Variants in NFIB observed in about 807,000 individuals in gnomAD.
The protein encoded by NFIB is nuclear factor I B.
In NFIB, 11 loss-of-function variants were observed where a neutral mutation model predicts 61.5. The ratio of observed to expected loss-of-function variants is 0.18; its 90% CI spans 0.11 to 0.30. NFIB has a LOEUF of 0.30. Ranked by LOEUF, NFIB falls within the 10% of genes least tolerant of loss-of-function variation. The pLI, the probability that NFIB is intolerant of heterozygous loss-of-function variation, is 1.00. For synonymous variants in NFIB, 260 were observed against 216.5 expected (o/e 1.20, Z -1.76); for missense variants, 471 against 608.9 (o/e 0.77, Z 2.38).
At chr9:14,344,899 G>C (rs530357111) in intron 1 of NFIB, among the ~76,000 whole-genome samples, 1 of 152,286 alleles carries the variant, frequency 6.6e-6, no homozygotes, top group Non-Finnish European at 1.5e-5. Context: ...AATCTTGAGG[G>C]TTTAAATAAC....
chr9:14,365,135 G>A (rs2061285191), intron 1 of NFIB, among the ~76,000 whole-genome samples: 1 of 152,170 alleles, frequency 6.6e-6, no homozygotes, highest in Non-Finnish European at 1.5e-5. Context: ...ACATGCCAAG[G>A]ACTTAGTAAA....
intron 2 of NFIB, among the ~76,000 whole-genome samples, chr9:14,274,442 G>A (rs985704798): frequency 6.6e-6 from 1 of 152,116 alleles, no homozygotes; most frequent in South Asian, 2.1e-4. Flanking sequence ...TTTTCAGTCT[G>A]ATGTAAGTAA....
intron 6 of NFIB, among the ~76,000 whole-genome samples, chr9:14,132,906 T>C (rs1264912443): frequency 6.6e-6 from 1 of 152,158 alleles, no homozygotes; most frequent in Non-Finnish European, 1.5e-5. Flanking sequence ...TCTTCTTTTT[T>C]TGTTATTTTT....
intron 2 of NFIB, among the ~76,000 whole-genome samples, chr9:14,208,437 C>T (rs1278429830): frequency 6.6e-6 from 1 of 152,058 alleles, no homozygotes; most frequent in Non-Finnish European, 1.5e-5. Context: ...CAAGAAATTA[C>T]TTTATGTCTC....
At chr9:14,129,890 A>G (rs2040195993) in intron 6 of NFIB, among the ~76,000 whole-genome samples, 2 of 152,226 alleles carry the variant, frequency 1.3e-5, no homozygotes, top group South Asian at 2.1e-4. Flanking sequence ...GCAAAATGAT[A>G]GGCAAAGGAT....
chr9:14,454,292 C>G, the NFIB span, among the ~76,000 whole-genome samples: 1 of 152,194 alleles, frequency 6.6e-6, no homozygotes, highest in Non-Finnish European at 1.5e-5. Flanking sequence ...AATTGTGGAA[C>G]AGTGAGCCTC....
At chr9:14,140,382 C>T (rs750526358) in intron 6 of NFIB, among the ~76,000 whole-genome samples, 4 of 152,042 alleles carry the variant, frequency 2.6e-5, no homozygotes, top group Non-Finnish European at 5.9e-5. Context: ...CACTGTGTTC[C>T]AAAGTTTGGG....
At chr9:14,416,590 G>A in the NFIB span, among the ~76,000 whole-genome samples, 2 of 152,026 alleles carry the variant, frequency 1.3e-5, no homozygotes, top group Admixed American at 6.5e-5. Flanking sequence ...ATTTTTTACA[G>A]CTGTACAATG....
intron 7 of NFIB, among the ~76,000 whole-genome samples, chr9:14,121,007 A>G (rs1430362760): frequency 6.6e-6 from 1 of 152,214 alleles, no homozygotes; most frequent in Admixed American, 6.5e-5. Context: ...TCACACCTGT[A>G]ATCCCAGCAC....
At chr9:14,379,818 A>ACC (rs2061464102) in intron 1 of NFIB, among the ~76,000 whole-genome samples, 1 of 151,808 alleles carries the variant, frequency 6.6e-6, no homozygotes, top group African/African-American at 2.4e-5. Flanking sequence ...GAGTAGCTGG[A>ACC]ATTACAGGTG....
chr9:14,314,824 C>CCCACACCA (rs2060465523), upstream of NFIB, among the ~76,000 whole-genome samples: 1 of 150,922 alleles, frequency 6.6e-6, no homozygotes, highest in African/African-American at 2.4e-5. Context: ...CTCTTCTTTC[C>CCCACACCA]GCTGCCCTCC....
At chr9:14,090,464 G>C (rs915633591) in intron 10 of NFIB, among the ~76,000 whole-genome samples, 1 of 152,032 alleles carries the variant, frequency 6.6e-6, no homozygotes, top group African/African-American at 2.4e-5. Flanking sequence ...ACATGGTCCT[G>C]TTACAGCATT....
the NFIB span, among the ~76,000 whole-genome samples, chr9:14,503,811 A>G: frequency 6.6e-6 from 1 of 152,274 alleles, no homozygotes; most frequent in East Asian, 1.9e-4. Flanking sequence ...GCTGTGAAGA[A>G]GCTATTTAGT....
At chr9:14,325,822 A>G (rs1055083824) in intron 1 of NFIB, among the ~76,000 whole-genome samples, 6 of 152,156 alleles carry the variant, frequency 3.9e-5, no homozygotes, top group Non-Finnish European at 8.8e-5. Context: ...TTGGATATTG[A>G]AAAATAATAT....
chr9:14,227,599 C>G (rs1170541351), intron 2 of NFIB, among the ~76,000 whole-genome samples: 1 of 152,126 alleles, frequency 6.6e-6, no homozygotes, highest in Non-Finnish European at 1.5e-5. Context: ...GTACTGTAAT[C>G]ATGGTTTTTT....
chr9:14,412,485 T>C, the NFIB span, among the ~76,000 whole-genome samples: 42 of 152,244 alleles, frequency 2.8e-4, 1 homozygote, highest in East Asian at 6.2e-3. Flanking sequence ...TCTCTCTGAG[T>C]GTGAGAGATT....
chr9:14,262,193 A>G (rs2056822143), intron 2 of NFIB, among the ~76,000 whole-genome samples: 3 of 152,076 alleles, frequency 2.0e-5, no homozygotes, highest in Admixed American at 6.6e-5. Flanking sequence ...ATTTGATGGG[A>G]TATTTCAAAC....
At position 14,087,399 on chromosome 9, in the gene NFIB, T is replaced by C. The variant is rs2033018803; in HGVS notation, c.*910A>G. The C allele has an allele frequency of 4.8e-6, 1 of 208,146 alleles. No individual in the cohort carries two copies. The highest frequency in any genetic ancestry group is 1.9e-4 in the South Asian group (1 of 5,332). The allele number at this position is 208,146 out of a possible 1,614,324, so 12.9% of individuals were successfully genotyped here. A position where few individuals can be genotyped will look rare whatever the true frequency, so the allele number is the denominator to read the frequency against. On this transcript the variant is annotated 3_prime_UTR_variant, in exon 11 of 11. Coordinates refer to ENST00000380953, the MANE Select transcript of NFIB (RefSeq NM_001190737.2). ...CCAAGGGCTGAAGGACTTATAATCA[T>C]GATTCCCCTTTAGATATAAATTTAT...
At chr9:14,101,175 C>T (rs1267391013) in intron 10 of NFIB, among the ~76,000 whole-genome samples, 3 of 152,032 alleles carry the variant, frequency 2.0e-5, no homozygotes, top group African/African-American at 7.2e-5. Context: ...TTGAGTTTAT[C>T]TTCTTTTTAT....
Sources: allele counts gnomAD v4.1 joint callset (sites outside exome capture counted in the v4.1 genomes callset), GRCh38; gene constraint gnomAD v4.1.1; transcripts MANE v1.5; gene names NCBI Gene and HGNC (gene_info 2026-07-23, HGNC 2026-07-21).